Variants in SLC35F4 observed in about 807,000 individuals in gnomAD.
SLC35F4 encodes chromosome 14 open reading frame 36.
In SLC35F4, 24 loss-of-function variants were observed where a neutral mutation model predicts 44.2. That is an observed-to-expected ratio of 0.54 (90% CI 0.39 to 0.76). SLC35F4 has a LOEUF of 0.76. Ranked by LOEUF, SLC35F4 falls within the 30% of genes least tolerant of loss-of-function variation. SLC35F4 has a pLI of 0.00. For missense variants in SLC35F4, 562 were observed against 586.1 expected (o/e 0.96, Z 0.42); for synonymous variants, 238 against 223.6 (o/e 1.06, Z -0.57).
intron 1 of SLC35F4, among the ~76,000 whole-genome samples, chr14:57,856,974 T>A (rs1887164016): frequency 1.3e-5 from 2 of 152,050 alleles, no homozygotes; most frequent in South Asian, 4.1e-4. Context: ...TCTGTGTTTT[T>A]TAAAAATTGC....
At chr14:57,652,668 C>A (rs2073828261) in intron 1 of SLC35F4, among the ~76,000 whole-genome samples, 1 of 152,054 alleles carries the variant, frequency 6.6e-6, no homozygotes, top group Non-Finnish European at 1.5e-5. Flanking sequence ...AACCCCCACA[C>A]AAAGATCTAA....
At chr14:57,810,967 T>C (rs970954428) in intron 1 of SLC35F4, among the ~76,000 whole-genome samples, 3 of 152,244 alleles carry the variant, frequency 2.0e-5, no homozygotes, top group Non-Finnish European at 2.9e-5. Flanking sequence ...AGGGAAGCTC[T>C]GTCCCAAATC....
Position 57,622,239 on chromosome 14 carries a change from C to T in SLC35F4, c.104-28115G>A, listed in dbSNP as rs1163017670. ...TTGATGGCACTGTAAACTAGTTCAACCACTGTGGAAGTCAGTGTGGCGATT... is the reference window on the plus strand; with the variant it reads ...TTGATGGCACTGTAAACTAGTTCAATCACTGTGGAAGTCAGTGTGGCGATT... On this transcript the variant is annotated intron_variant, in intron 1 of 7. Transcript: ENST00000556826. Among the ~76,000 whole-genome samples, 350 of 124,420 alleles carry T rather than the reference C, an allele frequency of 2.8e-3. 1 individual carries two copies. Among genetic ancestry groups the T allele is most frequent in the African/African-American group, 9.0e-3 (260 of 28,732 alleles). The allele number at this position is 124,420 out of a possible 152,430, so 81.6% of individuals were successfully genotyped here. A position where few individuals can be genotyped will look rare whatever the true frequency, so the allele number is the denominator to read the frequency against.
chr14:57,965,566 T>C (rs1890424235), intron 1 of SLC35F4, among the ~76,000 whole-genome samples: 1 of 152,202 alleles, frequency 6.6e-6, no homozygotes, highest in Admixed American at 6.5e-5. Flanking sequence ...CTAGCATGCA[T>C]ATTTGTTACC....
intron 1 of SLC35F4, among the ~76,000 whole-genome samples, chr14:57,841,132 A>T (rs981808000): frequency 6.6e-6 from 1 of 152,154 alleles, no homozygotes; most frequent in African/African-American, 2.4e-5. Context: ...TATCAGCAAC[A>T]TGTACACAAT....
chr14:57,820,590 G>A (rs1403542583), intron 1 of SLC35F4, among the ~76,000 whole-genome samples: 2 of 152,242 alleles, frequency 1.3e-5, no homozygotes, highest in African/African-American at 4.8e-5. Context: ...CAGAGTATCT[G>A]TAATGCCACA....
chr14:57,789,222 G>C (rs977049160), intron 1 of SLC35F4, among the ~76,000 whole-genome samples: 1 of 152,016 alleles, frequency 6.6e-6, no homozygotes, highest in Admixed American at 6.5e-5. Flanking sequence ...CTGGTTTTTT[G>C]AAAAGATTAA....
chr14:57,958,304 C>T (rs1481886594), intron 1 of SLC35F4, among the ~76,000 whole-genome samples: 2 of 152,074 alleles, frequency 1.3e-5, no homozygotes, highest in African/African-American at 2.4e-5. Flanking sequence ...GTGATCTGCC[C>T]GCCTCAGCCT....
At chr14:57,641,065 C>T (rs185254593) in intron 1 of SLC35F4, among the ~76,000 whole-genome samples, 4 of 151,938 alleles carry the variant, frequency 2.6e-5, no homozygotes, top group Admixed American at 1.3e-4. Flanking sequence ...AAGTGAAAAT[C>T]AATACAATGT....
At chr14:57,573,286 T>C (rs1177825393) in intron 4 of SLC35F4, among the ~76,000 whole-genome samples, 2 of 152,288 alleles carry the variant, frequency 1.3e-5, no homozygotes, top group South Asian at 2.1e-4. Context: ...GGTTTCAGAG[T>C]AGCTCCATAT....
At chr14:57,728,437 CTTTCTTTTTTTTTTTTTTT>C (rs2076261916) in intron 1 of SLC35F4, among the ~76,000 whole-genome samples, 2 of 97,610 alleles carry the variant, frequency 2.0e-5, no homozygotes, top group South Asian at 3.6e-4. Flanking sequence ...TTTTTTCTTT[CTTTCTTTTTTTTTTTTTTT>C]TTTTTTTTTT....
At chr14:57,798,396 C>A (rs1174288072) in intron 1 of SLC35F4, among the ~76,000 whole-genome samples, 1 of 152,150 alleles carries the variant, frequency 6.6e-6, no homozygotes, top group Non-Finnish European at 1.5e-5. Flanking sequence ...ATCCTCTGTA[C>A]TCAATTTTAA....
At chr14:57,712,564 C>A (rs904237779) in intron 1 of SLC35F4, among the ~76,000 whole-genome samples, 2 of 152,092 alleles carry the variant, frequency 1.3e-5, no homozygotes, top group Non-Finnish European at 2.9e-5. Flanking sequence ...GTCTCATTAC[C>A]AGGTTTGTTT....
At chr14:57,792,427 A>G (rs989943212) in intron 1 of SLC35F4, among the ~76,000 whole-genome samples, 2 of 152,210 alleles carry the variant, frequency 1.3e-5, no homozygotes, top group African/African-American at 2.4e-5. Context: ...CCAGAGGAAA[A>G]TAAGTCACTA....
chr14:57,706,371 A>T (rs1446493804), intron 1 of SLC35F4, among the ~76,000 whole-genome samples: 3 of 152,178 alleles, frequency 2.0e-5, no homozygotes, highest in African/African-American at 7.2e-5. Context: ...AACTTCAAAA[A>T]TTGGACATGT....
At chr14:57,661,185 G>C (rs932799888) in intron 1 of SLC35F4, among the ~76,000 whole-genome samples, 1 of 152,098 alleles carries the variant, frequency 6.6e-6, no homozygotes, top group Non-Finnish European at 1.5e-5. Context: ...CCATGGTAAC[G>C]CAATCAGTGT....
chr14:57,791,844 C>G (rs1173524172), intron 1 of SLC35F4, among the ~76,000 whole-genome samples: 1 of 152,028 alleles, frequency 6.6e-6, no homozygotes, highest in Non-Finnish European at 1.5e-5. Context: ...AACCATCATT[C>G]TCAGCAAACT....
At chr14:57,586,938 A>AACTT (rs2069785032) in intron 3 of SLC35F4, among the ~76,000 whole-genome samples, 1 of 151,774 alleles carries the variant, frequency 6.6e-6, no homozygotes, top group South Asian at 2.1e-4. Flanking sequence ...ATCTACAAAG[A>AACTT]ACTTAAACAA....
intron 1 of SLC35F4, among the ~76,000 whole-genome samples, chr14:57,872,483 C>T (rs954896319): frequency 6.6e-6 from 1 of 152,106 alleles, no homozygotes; most frequent in Non-Finnish European, 1.5e-5. Context: ...CAGTGACCAC[C>T]CTGTATGGAT....
Sources: gnomAD v4.1 joint callset for allele counts (sites outside exome capture counted in the v4.1 genomes callset) on GRCh38, gnomAD v4.1.1 for gene constraint, MANE v1.5 for transcripts, NCBI Gene and HGNC (gene_info 2026-07-23, HGNC 2026-07-21) for gene names.